The following RBBP8 variants were observed in gnomAD, a reference collection of about 807,000 sequenced individuals.
The protein encoded by RBBP8 is DNA endonuclease RBBP8.
Under a neutral mutation model 108.3 loss-of-function variants are expected in RBBP8, and 88 were observed. The observed-to-expected ratio is 0.81, with a 90% CI of 0.68 to 0.97. The LOEUF is 0.97. RBBP8 is among the 50% of genes least tolerant of loss of function. The pLI, the probability that RBBP8 is intolerant of heterozygous loss-of-function variation, is 0.00. For synonymous variants in RBBP8, 332 were observed against 348.2 expected (o/e 0.95, Z 0.52); for missense variants, 1,023 against 1,049.0 (o/e 0.98, Z 0.34).
Position 23,022,645 on chromosome 18 carries a change from A to ATAAAATAAAATAAAATAAATAAAG in RBBP8, c.2596+377_2596+378insAAATAAAATAAAATAAATAAAGTA, listed in dbSNP as rs1568010293. Among the ~76,000 whole-genome samples the ATAAAATAAAATAAAATAAATAAAG allele has an allele frequency of 2.6e-3, 119 of 45,128 alleles. 8 individuals carry two copies. The highest frequency in any genetic ancestry group is 6.4e-3 in the African/African-American group (112 of 17,556). 29.6% of individuals were successfully genotyped at this position (45,128 alleles called of 152,430 possible). On this transcript the variant is annotated intron_variant, in intron 18 of 18. Coordinates refer to ENST00000327155, the MANE Select transcript of RBBP8 (RefSeq NM_002894.3). ...AATAAAATAAAATAAAATAAATAAA[A>ATAAAATAAAATAAAATAAATAAAG]TACAATATAAAATAAAATAAAATAA...
At chr18:22,929,536 G>GTA (rs1909938528), upstream of RBBP8, 1 of 133,048 alleles carries the variant, frequency 7.5e-6, no homozygotes, top group Non-Finnish European at 1.6e-5. Context: ...GTGTGTGTGT[G>GTA]TGTGTGTGTG....
At chr18:22,969,570 T>C (rs894094842) in intron 5 of RBBP8, among the ~76,000 whole-genome samples, 6 of 152,180 alleles carry the variant, frequency 3.9e-5, no homozygotes, top group Non-Finnish European at 1.5e-5. Context: ...TTAATTATAT[T>C]GCTACCCTGT....
At chr18:22,935,478 A>T (rs1406410976) in intron 1 of RBBP8, among the ~76,000 whole-genome samples, 1 of 151,746 alleles carries the variant, frequency 6.6e-6, no homozygotes, top group Admixed American at 6.6e-5. Context: ...TAGTTTCTGG[A>T]TTATTTTTTA....
At chr18:23,001,436 A>G in intron 14 of RBBP8, 150 bp from the exon 15 acceptor site, 4 of 844,788 alleles carry the variant, frequency 4.7e-6, no homozygotes, top group Non-Finnish European at 7.7e-6. Context: ...TCAGTACCCA[A>G]TATATAATCC....
At chr18:23,022,644 A>AAT (rs1225386439) in intron 18 of RBBP8, among the ~76,000 whole-genome samples, 2 of 48,448 alleles carry the variant, frequency 4.1e-5, no homozygotes, top group Non-Finnish European at 5.7e-5. Flanking sequence ...AAATAAATAA[A>AAT]ATACAATATA....
intron 12 of RBBP8, among the ~76,000 whole-genome samples, chr18:22,996,148 A>G (rs2045853364): frequency 1.3e-5 from 2 of 152,122 alleles, no homozygotes; most frequent in South Asian, 4.1e-4. Flanking sequence ...CAATTTGTAT[A>G]TCTTCTTTGG....
Position 23,022,057 on chromosome 18 carries a change from G to A in RBBP8, c.2455-72G>A. The A allele has an allele frequency of 2.3e-6, 3 of 1,295,414 alleles. No individual in the cohort carries two copies. The South Asian group carries it at 3.6e-5, about 16-fold the overall frequency. 80.2% of individuals were successfully genotyped at this position (1,295,414 alleles called of 1,614,324 possible). A position where few individuals can be genotyped will look rare whatever the true frequency, so the allele number is the denominator to read the frequency against. ...TAGTAAATGGCTTTTTTAGCTTCTA[G>A]TTTGTAATCAATAAGCATAACACTC... On this transcript the variant is annotated intron_variant, in intron 17 of 18. Coordinates refer to ENST00000327155, the MANE Select transcript of RBBP8 (RefSeq NM_002894.3).
intron 15 of RBBP8, among the ~76,000 whole-genome samples, chr18:23,004,042 G>T (rs969619700): frequency 8.5e-6 from 1 of 118,202 alleles, no homozygotes; most frequent in Non-Finnish European, 1.6e-5. Context: ...GGGCAACAGC[G>T]CAAGACCCCG....
chr18:23,019,952 C>T (rs7238306), intron 17 of RBBP8, among the ~76,000 whole-genome samples: 26,180 of 151,084 alleles, frequency 0.17, 3,065 homozygotes, highest in African/African-American at 0.34. Flanking sequence ...TCAGTAGAGA[C>T]GGGGTTTCAC....
rs529027558 is a variant in RBBP8, at chr18:22,973,147, G to A, written c.362-2006G>A. ...TAGGCACCTTTTATTTACCCGTTTA[G>A]CAATTTGTGGGCCATGTTGCCTCTG... On this transcript the variant is annotated intron_variant, in intron 5 of 18. Coordinates refer to ENST00000327155, the MANE Select transcript of RBBP8 (RefSeq NM_002894.3). Among the ~76,000 whole-genome samples the A allele has an allele frequency of 5.9e-5, 9 of 152,274 alleles. No individual in the cohort carries two copies. The South Asian group carries it at 1.9e-3, about 32-fold the overall frequency.
At chr18:22,989,821 T>C (rs1915559436) in intron 9 of RBBP8, among the ~76,000 whole-genome samples, 2 of 151,982 alleles carry the variant, frequency 1.3e-5, no homozygotes, top group African/African-American at 2.4e-5. Flanking sequence ...TACAGACATA[T>C]ACCATTATGC....
intron 3 of RBBP8, among the ~76,000 whole-genome samples, chr18:22,947,435 G>A (rs997804325): frequency 2.6e-5 from 4 of 151,866 alleles, no homozygotes; most frequent in Non-Finnish European, 5.9e-5. Context: ...TGCTGCATAG[G>A]TATGTAAAAG....
chr18:23,015,186 C>T (rs1327587296), intron 16 of RBBP8, among the ~76,000 whole-genome samples: 1 of 152,162 alleles, frequency 6.6e-6, no homozygotes, highest in Non-Finnish European at 1.5e-5. Flanking sequence ...GCATGAGCCA[C>T]CACACCTGGC....
At chr18:22,918,163 C>A (rs921358163) in intron 3 of RBBP8, among the ~76,000 whole-genome samples, 15 of 152,080 alleles carry the variant, frequency 9.9e-5, no homozygotes, top group Admixed American at 4.6e-4. Flanking sequence ...GCCTTAAATA[C>A]TTTTTAAAAA....
At chr18:22,981,681 T>C (rs1461579554) in intron 6 of RBBP8, among the ~76,000 whole-genome samples, 1 of 152,214 alleles carries the variant, frequency 6.6e-6, no homozygotes, top group East Asian at 1.9e-4. Context: ...CATATGTACT[T>C]AAAATATTCT....
intron 3 of RBBP8, among the ~76,000 whole-genome samples, chr18:22,924,856 C>A (rs960577463): frequency 6.6e-6 from 1 of 151,814 alleles, no homozygotes; most frequent in African/African-American, 2.4e-5. Context: ...GATCACCTCA[C>A]ATAAGAGGTC....
chr18:23,000,220 A>G (rs1203191302), intron 14 of RBBP8, among the ~76,000 whole-genome samples: 1 of 152,192 alleles, frequency 6.6e-6, no homozygotes, highest in Non-Finnish European at 1.5e-5. Context: ...GTACTTATAT[A>G]GAATAATCTT....
chr18:22,919,403 G>A (rs978007493), intron 3 of RBBP8, among the ~76,000 whole-genome samples: 9 of 152,082 alleles, frequency 5.9e-5, no homozygotes, highest in Admixed American at 2.0e-4. Context: ...ATGTTTAATC[G>A]CTTTACAAAA....
At chr18:22,939,245 G>A (rs1258483713) in intron 2 of RBBP8, among the ~76,000 whole-genome samples, 4 of 152,168 alleles carry the variant, frequency 2.6e-5, no homozygotes, top group East Asian at 1.9e-4. Context: ...GGTGGCTCAC[G>A]CCTGTAATCC....
Sources: allele counts gnomAD v4.1 joint callset (sites outside exome capture counted in the v4.1 genomes callset), GRCh38; gene constraint gnomAD v4.1.1; transcripts MANE v1.5; gene names NCBI Gene and HGNC (gene_info 2026-07-23, HGNC 2026-07-21).